Variants in TMEM123 observed in about 807,000 individuals in gnomAD.
TMEM123 encodes the protein porimin.
A neutral mutation model predicts 19.7 loss-of-function variants in TMEM123; 16 were observed. The observed-to-expected ratio is 0.81, with a 90% CI of 0.55 to 1.23. The LOEUF (loss-of-function observed/expected upper bound fraction) is 1.23. TMEM123 is among the 50% of genes most tolerant of loss of function. The probability of loss-of-function intolerance (pLI) is 0.00; values close to 1 mark genes in which losing one functional copy is unlikely to be tolerated. For missense variants in TMEM123, 313 were observed against 257.8 expected (o/e 1.21, Z -1.47); for synonymous variants, 118 against 99.4 (o/e 1.19, Z -1.12).
chr11:102,416,236 GAATA>G (rs1952043265), intron 2 of TMEM123, among the ~76,000 whole-genome samples: 1 of 151,974 alleles, frequency 6.6e-6, no homozygotes, highest in Non-Finnish European at 1.5e-5. Context: ...TTATTTGAAA[GAATA>G]AATAAGATTG....
chr11:102,408,551 A>G (rs889257269), intron 2 of TMEM123, among the ~76,000 whole-genome samples: 1 of 152,262 alleles, frequency 6.6e-6, no homozygotes, highest in Non-Finnish European at 1.5e-5. Flanking sequence ...AATCAGGGCT[A>G]TCACAAGAGT....
chr11:102,407,600 G>A (rs2135845263), intron 2 of TMEM123, among the ~76,000 whole-genome samples: 1 of 152,288 alleles, frequency 6.6e-6, no homozygotes, highest in Non-Finnish European at 1.5e-5. Flanking sequence ...ATTATGGTTG[G>A]TGACCTTATT....
chr11:102,418,315 A>G (rs1006437247), intron 2 of TMEM123, among the ~76,000 whole-genome samples: 4 of 152,222 alleles, frequency 2.6e-5, no homozygotes, highest in South Asian at 4.1e-4. Flanking sequence ...TCTAGAATCT[A>G]TAAGAAACTT....
At chr11:102,432,805 A>G (rs1007304490) in intron 2 of TMEM123, among the ~76,000 whole-genome samples, 1 of 152,224 alleles carries the variant, frequency 6.6e-6, no homozygotes, top group African/African-American at 2.4e-5. Flanking sequence ...GCCTGGGGAC[A>G]TAGTGCCCTG....
At chr11:102,439,495 A>T (rs370771727) in intron 2 of TMEM123, among the ~76,000 whole-genome samples, 6,818 of 152,306 alleles carry the variant, frequency 0.045, 213 homozygotes, top group Non-Finnish European at 0.073. Flanking sequence ...GACTGTTAGA[A>T]GGAAAACTAA....
At position 102,452,537 on chromosome 11, in the gene TMEM123, G is replaced by A. The variant is rs771232737; in HGVS notation, c.87C>T (p.Ser29=). 5 of 1,555,718 alleles carry A rather than the reference G, an allele frequency of 3.2e-6. No individual in the cohort carries two copies. In the African/African-American group the frequency reaches 5.5e-5, roughly 17 times the overall value. The part of the protein sequence containing the change: ...VLALLGAAHE[S]AAMAASANIE... ...GCAGCCACTTACCCGCCATGGCTGC[G>A]CTTTCATGGGCGGCCCCCAGCAGCG... The change falls in exon 1 of 5, where the codon AGC becomes AGT. Residue 29 remains serine (S), a synonymous_variant. Coordinates refer to ENST00000398136, the MANE Select transcript of TMEM123 (RefSeq NM_052932.3).
chr11:102,447,715 C>T (rs1408977441), intron 2 of TMEM123, among the ~76,000 whole-genome samples: 1 of 152,154 alleles, frequency 6.6e-6, no homozygotes, highest in Non-Finnish European at 1.5e-5. Context: ...GGAGTAATCC[C>T]TCTAGACTTT....
rs189324303 is a variant in TMEM123, at chr11:102,448,489, G to T, written c.157+323C>A. ...TCATCAATAGGACCTGCAGACTTCT[G>T]TGCTGACATTTCATATCTACAGGCA... On this transcript the variant is annotated intron_variant, in intron 2 of 4. Coordinates refer to ENST00000398136, the MANE Select transcript of TMEM123 (RefSeq NM_052932.3). 12 of 334,716 alleles carry T rather than the reference G, an allele frequency of 3.6e-5. No homozygotes were observed. The Admixed American group carries it at 5.1e-4, about 14-fold the overall frequency. 20.7% of individuals were successfully genotyped at this position (334,716 alleles called of 1,614,324 possible).
chr11:102,442,539 C>T (rs545190619), intron 2 of TMEM123, among the ~76,000 whole-genome samples: 31 of 152,240 alleles, frequency 2.0e-4, no homozygotes, highest in African/African-American at 7.2e-4. Flanking sequence ...ATTGATGGAA[C>T]GTATCTCAAA....
intron 2 of TMEM123, among the ~76,000 whole-genome samples, chr11:102,413,329 C>G (rs556967870): frequency 6.6e-6 from 1 of 152,120 alleles, no homozygotes; most frequent in African/African-American, 2.4e-5. Context: ...GAAACCATCT[C>G]GAGATGGTTC....
chr11:102,441,582 G>C (rs538722941), intron 2 of TMEM123, among the ~76,000 whole-genome samples: 1 of 152,094 alleles, frequency 6.6e-6, no homozygotes, highest in African/African-American at 2.4e-5. Context: ...ATGCCCACAA[G>C]AGAAAGCAGG....
intron 2 of TMEM123, among the ~76,000 whole-genome samples, chr11:102,441,592 G>A (rs929276598): frequency 9.9e-5 from 15 of 152,066 alleles, no homozygotes; most frequent in African/African-American, 3.6e-4. Flanking sequence ...GAGAAAGCAG[G>A]AAAGATCTAA....
intron 2 of TMEM123, among the ~76,000 whole-genome samples, chr11:102,437,333 C>T (rs888936859): frequency 4.6e-5 from 7 of 151,942 alleles, no homozygotes; most frequent in African/African-American, 1.7e-4. Context: ...GTGGCACACA[C>T]CAGTAATCTC....
At chr11:102,426,437 T>C (rs1050303345) in intron 2 of TMEM123, among the ~76,000 whole-genome samples, 2 of 151,410 alleles carry the variant, frequency 1.3e-5, no homozygotes, top group Non-Finnish European at 2.9e-5. Context: ...TTCATTTCCC[T>C]CTATATTTAT....
chr11:102,404,643 G>C (rs1434770081), intron 2 of TMEM123, among the ~76,000 whole-genome samples: 1 of 152,032 alleles, frequency 6.6e-6, no homozygotes, highest in Non-Finnish European at 1.5e-5. Flanking sequence ...TGTCCCCCAG[G>C]CTGGAGGGCC....
At chr11:102,444,565 G>A (rs1857862226) in intron 2 of TMEM123, among the ~76,000 whole-genome samples, 2 of 151,902 alleles carry the variant, frequency 1.3e-5, no homozygotes, top group African/African-American at 4.8e-5. Flanking sequence ...GGGTGGGACA[G>A]CATTAGGAGA....
At chr11:102,432,801 G>T (rs1009610183) in intron 2 of TMEM123, among the ~76,000 whole-genome samples, 1 of 152,220 alleles carries the variant, frequency 6.6e-6, no homozygotes, top group African/African-American at 2.4e-5. Context: ...TGCAGCCTGG[G>T]GACATAGTGC....
chr11:102,408,723 T>C (rs1336712287), intron 2 of TMEM123, among the ~76,000 whole-genome samples: 2 of 152,256 alleles, frequency 1.3e-5, no homozygotes, highest in Non-Finnish European at 2.9e-5. Context: ...CACTGTGAGA[T>C]ATCCGAGCTC....
chr11:102,403,381 T>C (rs1176081764), intron 2 of TMEM123, among the ~76,000 whole-genome samples: 1 of 152,206 alleles, frequency 6.6e-6, no homozygotes, highest in Non-Finnish European at 1.5e-5. Flanking sequence ...TTGCATAAAA[T>C]ATGGCCTATA....
Sources: gnomAD v4.1 joint callset for allele counts (sites outside exome capture counted in the v4.1 genomes callset) on GRCh38, gnomAD v4.1.1 for gene constraint, MANE v1.5 for transcripts, NCBI Gene and HGNC (gene_info 2026-07-23, HGNC 2026-07-21) for gene names.